Variants in MATN2 observed in about 807,000 individuals in gnomAD.
The protein encoded by MATN2 is matrilin-2.
In MATN2, 69 loss-of-function variants were observed where a neutral mutation model predicts 103.2. The ratio of observed to expected loss-of-function variants is 0.67; its 90% CI spans 0.55 to 0.82. The LOEUF is 0.82. Among genes scored for constraint, MATN2 ranks in the 40% least tolerant of loss-of-function variants. The probability of loss-of-function intolerance (pLI) is 0.00; values close to 1 mark genes in which losing one functional copy is unlikely to be tolerated. For synonymous variants in MATN2, 429 were observed against 450.2 expected (o/e 0.95, Z 0.60); for missense variants, 1,023 against 1,211.5 (o/e 0.84, Z 2.31).
rs367737640 is a variant in MATN2 at position 98,018,107 on chromosome 8, C to T, written c.1810C>T (p.Arg604Cys). Reference sequence around the variant, plus strand: ...ATTCCGGCTCGCTGAGGATGGGAAACGCTGCCGAAGTAAGTAGCCTCGAGG... The same window carrying T: ...ATTCCGGCTCGCTGAGGATGGGAAATGCTGCCGAAGTAAGTAGCCTCGAGG... ...EGFRLAEDGK[R>C]CRRKDVCKST... The change falls in exon 12 of 19, where the codon CGC becomes TGC. Residue 604 changes from arginine (R) to cysteine (C), a missense_variant. By Grantham distance (180) the Arg-to-Cys change is radical. Coordinates refer to ENST00000254898, the MANE Select transcript of MATN2 (RefSeq NM_002380.5). The T allele has an allele frequency of 2.3e-4, 379 of 1,613,758 alleles. No individual in the cohort carries two copies. The highest frequency in any genetic ancestry group is 8.5e-4 in the East Asian group (38 of 44,876).
chr8:98,033,638 G>A lies in MATN2; in HGVS notation c.2794G>A (p.Val932Ile), dbSNP rs17831160. 45,837 of 1,603,222 alleles carry A rather than the reference G, an allele frequency of 0.029. 787 individuals carry two copies. Among genetic ancestry groups the A allele is most frequent in the Non-Finnish European group, 0.034 (39,862 of 1,173,842 alleles). ...GTTCCAGAACCTTGCAAACGAAGAA[G>A]TAAGAAAATTAACACAGCGCTATAT... The part of the protein sequence containing the change: ...IMFQNLANEE[V>I]RKLTQRLEEM... Residue 932 changes from valine (V) to isoleucine (I), a missense_variant, in exon 18 of 19, where the codon GTA becomes ATA. Transcript: ENST00000254898.
intron 13 of MATN2, among the ~76,000 whole-genome samples, chr8:98,021,678 AT>A (rs1368705761): frequency 3.0e-5 from 4 of 131,686 alleles, no homozygotes; most frequent in Non-Finnish European, 5.1e-5. Flanking sequence ...CAGTTTAAAC[AT>A]AAAAAAAAAA....
chr8:97,919,151 C>G (rs1479151554), intron 2 of MATN2, among the ~76,000 whole-genome samples: 1 of 152,198 alleles, frequency 6.6e-6, no homozygotes, highest in Non-Finnish European at 1.5e-5. Context: ...GATGGTCTCT[C>G]AGGCTCACAT....
At chr8:97,991,550 C>A (rs1331398143) in intron 6 of MATN2, among the ~76,000 whole-genome samples, 1 of 152,078 alleles carries the variant, frequency 6.6e-6, no homozygotes, top group African/African-American at 2.4e-5. Context: ...GGTGAAACCC[C>A]GTCTCTACTA....
intron 3 of MATN2, among the ~76,000 whole-genome samples, chr8:97,935,144 G>A (rs1008600377): frequency 9.9e-5 from 15 of 151,618 alleles, no homozygotes; most frequent in Non-Finnish European, 1.9e-4. Context: ...GGCTGGCCTC[G>A]AACTCCTGGG....
At chr8:98,002,740 C>T (rs922597657) in intron 7 of MATN2, among the ~76,000 whole-genome samples, 1 of 152,166 alleles carries the variant, frequency 6.6e-6, no homozygotes, top group Non-Finnish European at 1.5e-5. Flanking sequence ...CTCTTTTAAA[C>T]AAGCTCCTGG....
At chr8:98,003,511 GACAA>G (rs1363310456) in intron 7 of MATN2, 146 bp from the exon 8 acceptor site, 2 of 772,372 alleles carry the variant, frequency 2.6e-6, no homozygotes, top group African/African-American at 1.8e-5. Context: ...TTGGCTGGCA[GACAA>G]ACGAATGAAT....
intron 2 of MATN2, among the ~76,000 whole-genome samples, chr8:97,910,528 A>G (rs986087003): frequency 5.3e-5 from 8 of 152,196 alleles, no homozygotes; most frequent in African/African-American, 1.9e-4. Flanking sequence ...TTTTGTGGCA[A>G]ATGTCCTAAA....
chr8:98,008,645 CT>C (rs1813055667), intron 10 of MATN2, among the ~76,000 whole-genome samples: 1 of 152,060 alleles, frequency 6.6e-6, no homozygotes, highest in South Asian at 2.1e-4. Flanking sequence ...GCCCAGCTGC[CT>C]CCCAGACTGC....
Position 98,003,959 on chromosome 8 carries a change from C to T in MATN2, c.1327+176C>T, listed in dbSNP as rs911733627. On this transcript the variant is annotated intron_variant, in intron 8 of 18. Coordinates refer to ENST00000254898, the MANE Select transcript of MATN2 (RefSeq NM_002380.5). ...CATAGAATGTGACTATTAATGCTATCGGCCTAGCCAACTTGGGTTGCAAGG... is the reference window on the plus strand; with the variant it reads ...CATAGAATGTGACTATTAATGCTATTGGCCTAGCCAACTTGGGTTGCAAGG... The T allele has an allele frequency of 2.0e-4, 134 of 684,014 alleles. 1 individual carries two copies. Among genetic ancestry groups the T allele is most frequent in the African/African-American group, 1.6e-3 (89 of 55,812 alleles). The allele number at this position is 684,014 out of a possible 1,614,324, so 42.4% of individuals were successfully genotyped here.
chr8:97,938,826 A>T (rs1305600937), intron 3 of MATN2, among the ~76,000 whole-genome samples: 1 of 152,176 alleles, frequency 6.6e-6, no homozygotes, highest in Non-Finnish European at 1.5e-5. Flanking sequence ...TTTGTCAACT[A>T]ATCAATACGT....
At chr8:97,945,242 G>A (rs79355282) in intron 4 of MATN2, among the ~76,000 whole-genome samples, 1,825 of 152,254 alleles carry the variant, frequency 0.012, 37 homozygotes, top group African/African-American at 0.042. Flanking sequence ...TGTGCCAGGA[G>A]CTTTCCTGAG....
intron 5 of MATN2, among the ~76,000 whole-genome samples, chr8:97,965,843 G>C (rs747777641): frequency 2.6e-5 from 4 of 152,082 alleles, no homozygotes; most frequent in Non-Finnish European, 5.9e-5. Flanking sequence ...AATTAGTCAG[G>C]CGTGGTGGCA....
intron 13 of MATN2, chr8:98,024,958 C>G (rs534737290): frequency 6.6e-6 from 1 of 152,168 alleles, no homozygotes; most frequent in Non-Finnish European, 1.5e-5. Context: ...CCTGGAGAAG[C>G]CTTCTGGATG....
At chr8:97,915,298 T>A (rs763214945) in intron 2 of MATN2, among the ~76,000 whole-genome samples, 1 of 152,168 alleles carries the variant, frequency 6.6e-6, no homozygotes, top group Non-Finnish European at 1.5e-5. Flanking sequence ...GGCCTGCTCA[T>A]ATTTTTTATG....
chr8:98,021,858 C>T (rs1477513370), intron 13 of MATN2, among the ~76,000 whole-genome samples: 1 of 151,732 alleles, frequency 6.6e-6, no homozygotes, highest in East Asian at 1.9e-4. Flanking sequence ...ATTAGTTAAC[C>T]TATTAGTTAC....
chr8:97,942,873 G>T (rs1334169918), intron 4 of MATN2, among the ~76,000 whole-genome samples: 1 of 152,124 alleles, frequency 6.6e-6, no homozygotes, highest in Non-Finnish European at 1.5e-5. Context: ...CAGTTTTGGG[G>T]TTGAGTGGTT....
At chr8:97,906,110 AAACTGTGTTC>A (rs1417970871) in intron 2 of MATN2, among the ~76,000 whole-genome samples, 1 of 152,220 alleles carries the variant, frequency 6.6e-6, no homozygotes, top group African/African-American at 2.4e-5. Flanking sequence ...AGGAACTGCT[AAACTGTGTTC>A]AACAGTGGCT....
chr8:97,950,056 G>C (rs944614517), intron 4 of MATN2, among the ~76,000 whole-genome samples: 1 of 152,140 alleles, frequency 6.6e-6, no homozygotes. Flanking sequence ...GGAAACTTGG[G>C]GGGGTGATGA....
Sources: allele counts gnomAD v4.1 joint callset (sites outside exome capture counted in the v4.1 genomes callset), GRCh38; gene constraint gnomAD v4.1.1; transcripts MANE v1.5; gene names NCBI Gene and HGNC (gene_info 2026-07-23, HGNC 2026-07-21).